Variants in ANKRD30B observed in about 807,000 individuals in gnomAD.
ANKRD30B encodes the protein ankyrin repeat domain-containing protein 30B.
ANKRD30B carries 144 observed loss-of-function variants against 202.2 expected under a neutral mutation model. The ratio of observed to expected loss-of-function variants is 0.71; its 90% CI spans 0.62 to 0.82. ANKRD30B has a LOEUF of 0.82. ANKRD30B is among the 40% of genes least tolerant of loss of function. The pLI is 0.00. For missense variants in ANKRD30B, 1,487 were observed against 1,669.1 expected (o/e 0.89, Z 1.90); for synonymous variants, 508 against 561.3 (o/e 0.91, Z 1.34).
At chr18:14,794,995 G>A (rs1968776109) in intron 16 of ANKRD30B, among the ~76,000 whole-genome samples, 2 of 152,228 alleles carry the variant, frequency 1.3e-5, no homozygotes, top group South Asian at 2.1e-4. Flanking sequence ...TTCTATAAAA[G>A]CTTTTTCATA....
At chr18:14,760,745 G>GGT (rs370636710) in intron 6 of ANKRD30B, 127 bp downstream of exon 6, 7 of 611,498 alleles carry the variant, frequency 1.1e-5, no homozygotes, top group Admixed American at 6.9e-5. Context: ...CATATATGTG[G>GGT]GTGTGTGTGT....
intron 4 of ANKRD30B, 27 bp downstream of exon 4, chr18:14,755,032 A>G: frequency 7.7e-7 from 1 of 1,304,206 alleles, no homozygotes; most frequent in Non-Finnish European, 1.0e-6. Flanking sequence ...TTTTTACTAA[A>G]AAACACTTGA....
At chr18:14,777,716 C>T (rs982784194) in intron 9 of ANKRD30B, among the ~76,000 whole-genome samples, 41 of 151,374 alleles carry the variant, frequency 2.7e-4, no homozygotes, top group Non-Finnish European at 3.1e-4. Flanking sequence ...CTGAGGCGGG[C>T]GGATCACTTG....
In ANKRD30B at chr18:14,763,848, T is replaced by G; in HGVS notation, c.983T>G (p.Phe328Cys). ...QCLGKATSGKFEQSTEETPRK... is the reference protein window; with the variant it reads ...QCLGKATSGKCEQSTEETPRK... ...CTGGGGAAAGCAACATCTGGAAAGTTTGAACAGTCAACAGAAGAAACACCT... is the reference window on the plus strand; with the variant it reads ...CTGGGGAAAGCAACATCTGGAAAGTGTGAACAGTCAACAGAAGAAACACCT... Residue 328 changes from phenylalanine to cysteine, a missense_variant, in exon 7 of 44, where the codon TTT (phenylalanine) becomes TGT (cysteine). Physicochemically the swap from Phe to Cys is radical, Grantham distance 205 (BLOSUM62 -2). Coordinates refer to ENST00000690538, the MANE Select transcript of ANKRD30B (RefSeq NM_001367607.2). 1 of 1,613,266 alleles carries G rather than the reference T, an allele frequency of 6.2e-7. No individual in the cohort carries two copies. The highest frequency in any genetic ancestry group is 1.7e-4 in the Middle Eastern group (1 of 6,060).
chr18:14,772,596 TAA>T (rs1967072662), intron 9 of ANKRD30B, among the ~76,000 whole-genome samples: 1 of 152,056 alleles, frequency 6.6e-6, no homozygotes, highest in Non-Finnish European at 1.5e-5. Context: ...TTTTGTAACT[TAA>T]AACAAAATTC....
intron 39 of ANKRD30B, among the ~76,000 whole-genome samples, chr18:14,847,132 C>A (rs1971683205): frequency 7.6e-6 from 1 of 130,942 alleles, no homozygotes; most frequent in African/African-American, 2.8e-5. Flanking sequence ...TTGTATATTT[C>A]TTCATGATTT....
intron 40 of ANKRD30B, among the ~76,000 whole-genome samples, chr18:14,849,469 G>T (rs919694737): frequency 7.3e-5 from 11 of 151,596 alleles, no homozygotes; most frequent in Non-Finnish European, 1.5e-4. Flanking sequence ...ATCTTAATGT[G>T]CATGGAATAT....
At chr18:14,867,145 C>T in the ANKRD30B span, among the ~76,000 whole-genome samples, 182 of 79,502 alleles carry the variant, frequency 2.3e-3, no homozygotes, top group Non-Finnish European at 3.2e-3. Flanking sequence ...GGGTGGGGGG[C>T]GGGTTTGATG....
chr18:14,763,612 G>A (rs545161491), intron 6 of ANKRD30B, 74 bp from the exon 7 acceptor site: 1 of 1,563,346 alleles, frequency 6.4e-7, no homozygotes, highest in African/African-American at 1.4e-5. Context: ...AGAATAAGTA[G>A]AAGTTTGCCA....
At chr18:14,781,288 C>CTTTTTTTTTTTT (rs892666549) in intron 11 of ANKRD30B, among the ~76,000 whole-genome samples, 3 of 85,672 alleles carry the variant, frequency 3.5e-5, no homozygotes, top group African/African-American at 4.8e-5. Context: ...TCTGAGTATT[C>CTTTTTTTTTTTT]TTTTTTTTTT....
At chr18:14,835,514 AT>A (rs1332501805) in intron 34 of ANKRD30B, among the ~76,000 whole-genome samples, 1 of 151,636 alleles carries the variant, frequency 6.6e-6, no homozygotes, top group African/African-American at 2.4e-5. Flanking sequence ...ATATTTGTTT[AT>A]TTCTAAAACT....
At chr18:14,793,579 G>T (rs541662967) in intron 16 of ANKRD30B, among the ~76,000 whole-genome samples, 9 of 151,626 alleles carry the variant, frequency 5.9e-5, no homozygotes, top group Admixed American at 4.6e-4. Flanking sequence ...TTTGTTCAGC[G>T]ATTAGCTTGT....
chr18:14,929,151 G>C, the ANKRD30B span, among the ~76,000 whole-genome samples: 1 of 152,170 alleles, frequency 6.6e-6, no homozygotes, highest in Admixed American at 6.5e-5. Flanking sequence ...TCACCCTTGT[G>C]TGTCCGTCCT....
intron 28 of ANKRD30B, among the ~76,000 whole-genome samples, chr18:14,811,534 A>G (rs1334067332): frequency 2.0e-5 from 3 of 148,202 alleles, no homozygotes; most frequent in Admixed American, 6.7e-5. Flanking sequence ...CACTAGTACC[A>G]TTTATTGCCT....
rs774722519 is a variant in ANKRD30B, at chr18:14,791,511, T to TA, written c.1825+25dup. 3.8e-6 allele frequency: 6 copies of TA among 1,575,120 alleles called. No individual in the cohort carries two copies. The highest frequency in any genetic ancestry group is 5.2e-6 in the Non-Finnish European group (6 of 1,154,978). ...TAGAAGGTAAGAACCATTTTTTAAT[T>TA]AAAAAGTCATTTGACCAAATATTTA... On this transcript the variant is annotated intron_variant, in intron 16 of 43. Transcript: ENST00000690538.
intron 30 of ANKRD30B, among the ~76,000 whole-genome samples, chr18:14,815,685 C>G (rs1941476712): frequency 6.6e-6 from 1 of 152,098 alleles, no homozygotes; most frequent in Non-Finnish European, 1.5e-5. Flanking sequence ...GCTTGAATAC[C>G]TAAATTGTTC....
At chr18:14,814,545 T>G in intron 29 of ANKRD30B, 76 bp from the exon 30 acceptor site, 2 of 801,702 alleles carry the variant, frequency 2.5e-6, no homozygotes, top group South Asian at 3.0e-5. Context: ...AGAAAAGATT[T>G]TAATTAGGAA....
rs1290519744 is a variant in ANKRD30B, at chr18:14,828,148, TCCTC to T, written c.2744-128_2744-125del. ...TCAGACTCCTGGACCTCTCAGATGA[TCCTC>T]CTGCCTCACCTTCCCAAGTAGCTGG... On this transcript the variant is annotated intron_variant, in intron 32 of 43. Transcript: ENST00000690538. 5 of 687,592 alleles carry T rather than the reference TCCTC, an allele frequency of 7.3e-6. No homozygotes were observed. In the East Asian group the frequency reaches 1.4e-4, roughly 20 times the overall value. The allele number at this position is 687,592 out of a possible 1,614,324, so 42.6% of individuals were successfully genotyped here.
At chr18:14,852,593 TTTTAC>T in intron 42 of ANKRD30B, 173 bp downstream of exon 42, 1 of 887,678 alleles carries the variant, frequency 1.1e-6, no homozygotes, top group Non-Finnish European at 1.5e-6. Flanking sequence ...CTAAGAGACG[TTTTAC>T]TTTGAGTAAA....
Sources: gnomAD v4.1 joint callset for allele counts (sites outside exome capture counted in the v4.1 genomes callset) on GRCh38, gnomAD v4.1.1 for gene constraint, MANE v1.5 for transcripts, NCBI Gene and HGNC (gene_info 2026-07-23, HGNC 2026-07-21) for gene names.